Variants in RBMS3 observed in about 807,000 individuals in gnomAD.
RBMS3 encodes RNA binding motif single stranded interacting protein 3, also known as RNA-binding motif, single-stranded-interacting protein 3.
A neutral mutation model predicts 66.8 loss-of-function variants in RBMS3; 27 were observed. The ratio of observed to expected loss-of-function variants is 0.40; its 90% CI spans 0.30 to 0.56. The LOEUF is 0.56. RBMS3 is among the 20% of genes least tolerant of loss of function. The pLI is 0.40. For synonymous variants in RBMS3, 188 were observed against 183.0 expected (o/e 1.03, Z -0.22); for missense variants, 513 against 549.5 (o/e 0.93, Z 0.66).
intron 2 of RBMS3, among the ~76,000 whole-genome samples, chr3:29,472,770 A>G (rs1270089746): frequency 6.6e-6 from 1 of 152,142 alleles, no homozygotes; most frequent in African/African-American, 2.4e-5. Context: ...CAGCTCATAA[A>G]GGCAGTGTGG....
At chr3:29,869,658 G>T (rs2059443326) in intron 7 of RBMS3, among the ~76,000 whole-genome samples, 1 of 152,036 alleles carries the variant, frequency 6.6e-6, no homozygotes, top group African/African-American at 2.4e-5. Context: ...CTTAGGAATG[G>T]GTTCTTTTTG....
rs546393327 is a variant in RBMS3, at chr3:29,788,850, A to G, written c.637+25861A>G. Among the ~76,000 whole-genome samples the G allele has an allele frequency of 4.6e-5, 7 of 152,296 alleles. No homozygotes were observed. In the East Asian group the frequency reaches 7.7e-4, roughly 17 times the overall value. ...TCATAGGTTATCCTAAGTCACACCCACACTAGCCAGTGTGAAAAGTCCTGT... is the reference window on the plus strand; with the variant it reads ...TCATAGGTTATCCTAAGTCACACCCGCACTAGCCAGTGTGAAAAGTCCTGT... On this transcript the variant is annotated intron_variant, in intron 6 of 14. Transcript: ENST00000383767.
chr3:29,442,849 C>G (rs2041677353), intron 2 of RBMS3, among the ~76,000 whole-genome samples: 1 of 152,110 alleles, frequency 6.6e-6, no homozygotes, highest in South Asian at 2.1e-4. Flanking sequence ...TGGATTTCCT[C>G]TTACCTTTTG....
chr3:29,803,772 G>A (rs1000763323), intron 6 of RBMS3, among the ~76,000 whole-genome samples: 3 of 151,892 alleles, frequency 2.0e-5, no homozygotes, highest in Non-Finnish European at 4.4e-5. Flanking sequence ...AATTGAAAGT[G>A]AAGAATAAGA....
chr3:29,690,305 C>T (rs1056809616), intron 4 of RBMS3, among the ~76,000 whole-genome samples: 21 of 151,976 alleles, frequency 1.4e-4, no homozygotes, highest in African/African-American at 5.1e-4. Flanking sequence ...CAAAAATTAG[C>T]TGGACGTGGT....
intron 2 of RBMS3, among the ~76,000 whole-genome samples, chr3:29,453,796 A>G (rs2042088601): frequency 6.6e-6 from 1 of 152,174 alleles, no homozygotes; most frequent in Admixed American, 6.5e-5. Flanking sequence ...CTGGCATTCC[A>G]CGCTAGCCAG....
At chr3:29,421,627 G>T (rs1407299080) in intron 1 of RBMS3, among the ~76,000 whole-genome samples, 1 of 152,106 alleles carries the variant, frequency 6.6e-6, no homozygotes, top group African/African-American at 2.4e-5. Context: ...TTCTAAGAAT[G>T]ACTTCCCTTA....
intron 2 of RBMS3, among the ~76,000 whole-genome samples, chr3:29,446,003 C>T (rs1202263087): frequency 6.6e-6 from 1 of 152,074 alleles, no homozygotes; most frequent in Non-Finnish European, 1.5e-5. Flanking sequence ...ACCTATGTAG[C>T]CACGACAACA....
At chr3:29,632,210 A>T (rs2049308128) in intron 4 of RBMS3, among the ~76,000 whole-genome samples, 1 of 151,944 alleles carries the variant, frequency 6.6e-6, no homozygotes, top group Non-Finnish European at 1.5e-5. Context: ...GGCACAGATG[A>T]TTCAAAGTGT....
At chr3:29,709,455 A>T (rs958571187) in intron 4 of RBMS3, among the ~76,000 whole-genome samples, 1 of 152,216 alleles carries the variant, frequency 6.6e-6, no homozygotes, top group African/African-American at 2.4e-5. Context: ...AAAAGAGTAT[A>T]TTCTGTTTTG....
At chr3:29,900,647 G>C (rs1055421374) in intron 10 of RBMS3, among the ~76,000 whole-genome samples, 12 of 151,622 alleles carry the variant, frequency 7.9e-5, no homozygotes, top group African/African-American at 2.7e-4. Context: ...TGACTCTTCT[G>C]GGTATGCTCT....
At chr3:29,433,256 ATGTGC>A (rs2041275727) in intron 1 of RBMS3, among the ~76,000 whole-genome samples, 1 of 152,126 alleles carries the variant, frequency 6.6e-6, no homozygotes, top group Non-Finnish European at 1.5e-5. Flanking sequence ...TGTGCCAAAA[ATGTGC>A]TGTTTGACAA....
At chr3:29,592,267 T>C (rs2047767407) in intron 4 of RBMS3, among the ~76,000 whole-genome samples, 2 of 151,954 alleles carry the variant, frequency 1.3e-5, no homozygotes, top group Admixed American at 1.3e-4. Context: ...TATATTCCAG[T>C]AGAAGACTTT....
intron 10 of RBMS3, among the ~76,000 whole-genome samples, chr3:29,904,890 C>T (rs2060338634): frequency 6.6e-6 from 1 of 151,946 alleles, no homozygotes; most frequent in South Asian, 2.1e-4. Context: ...TTTTGAGGTA[C>T]TGATCTTTTC....
chr3:29,661,086 T>A (rs753122), intron 4 of RBMS3, among the ~76,000 whole-genome samples: 30,682 of 152,086 alleles, frequency 0.2, 3,246 homozygotes, highest in East Asian at 0.32. Flanking sequence ...CCACGAGGAT[T>A]GGGGTGGGGA....
intron 4 of RBMS3, chr3:29,617,015 C>T (rs541883714): frequency 6.6e-6 from 1 of 152,156 alleles, no homozygotes; most frequent in Non-Finnish European, 1.5e-5. Context: ...TTTTTATTTT[C>T]ACTGCAGTGC....
intron 6 of RBMS3, among the ~76,000 whole-genome samples, chr3:29,794,980 T>G (rs143572820): frequency 1.3e-5 from 2 of 152,324 alleles, no homozygotes; most frequent in East Asian, 1.9e-4. Context: ...TCAGTACTAT[T>G]TTTTGAAGTT....
intron 14 of RBMS3, among the ~76,000 whole-genome samples, chr3:29,991,996 T>C (rs1698908639): frequency 6.6e-6 from 1 of 152,116 alleles, no homozygotes; most frequent in African/African-American, 2.4e-5. Context: ...TGAGTAAACA[T>C]TTGGCAAACT....
At chr3:29,748,072 G>A (rs1277888012) in intron 5 of RBMS3, among the ~76,000 whole-genome samples, 1 of 152,136 alleles carries the variant, frequency 6.6e-6, no homozygotes, top group Admixed American at 6.5e-5. Flanking sequence ...AGAGTATGGG[G>A]CAATAGGAAG....
Sources: allele counts gnomAD v4.1 joint callset (sites outside exome capture counted in the v4.1 genomes callset), GRCh38; gene constraint gnomAD v4.1.1; transcripts MANE v1.5; gene names NCBI Gene and HGNC (gene_info 2026-07-23, HGNC 2026-07-21).